STK32A: variants seen among roughly 807,000 people sequenced by gnomAD.
The protein encoded by STK32A is serine/threonine kinase 32A, also known as serine/threonine-protein kinase 32A.
In STK32A, 41 loss-of-function variants were observed where a neutral mutation model predicts 53.2. The observed-to-expected ratio is 0.77, with a 90% CI of 0.60 to 1.00. The LOEUF (loss-of-function observed/expected upper bound fraction) is 1.00. Among genes scored for constraint, STK32A ranks in the 50% least tolerant of loss-of-function variants. The pLI is 0.00. For missense variants in STK32A, 458 were observed against 485.8 expected, an observed-to-expected ratio of 0.94 and a Z score of 0.54; for synonymous variants, 166 against 162.8, an observed-to-expected ratio of 1.02 and a Z score of -0.15.
At chr5:147,395,764 T>C in the STK32A span, 1 of 1,606,106 alleles carries the variant, frequency 6.2e-7, no homozygotes, top group Admixed American at 1.7e-5. Flanking sequence ...TCATTCAGCA[T>C]TTTAGGGTCT....
the STK32A span, chr5:147,399,083 G>C: frequency 2.5e-6 from 4 of 1,614,034 alleles, no homozygotes; most frequent in South Asian, 4.4e-5. Context: ...GGGCCTTACA[G>C]ACTGGTGGTT....
intron 2 of STK32A, among the ~76,000 whole-genome samples, chr5:147,273,157 T>A (rs1446542565): frequency 6.6e-6 from 1 of 152,192 alleles, no homozygotes; most frequent in African/African-American, 2.4e-5. Context: ...CATTGCTTAT[T>A]GCACAGCATG....
Position 147,373,367 on chromosome 5 carries a change from G to A in STK32A, c.903+73G>A. The A allele has an allele frequency of 2.5e-6, 4 of 1,569,300 alleles. No homozygotes were observed. The Admixed American group carries it at 5.6e-5, about 22-fold the overall frequency. On this transcript the variant is annotated intron_variant, in intron 10 of 12. Transcript: ENST00000397936. Reference sequence around the variant, plus strand: ...ACCCGGTGTGCCAGATTCACACATTGTCTCATTAGATAATCACACCAGTGT... The same window carrying A: ...ACCCGGTGTGCCAGATTCACACATTATCTCATTAGATAATCACACCAGTGT...
At chr5:147,344,890 G>A (rs1755608300) in intron 6 of STK32A, among the ~76,000 whole-genome samples, 1 of 152,114 alleles carries the variant, frequency 6.6e-6, no homozygotes, top group Admixed American at 6.5e-5. Flanking sequence ...AGAGAACAGT[G>A]TTTTCATCCC....
chr5:147,253,468 C>T (rs926985465), intron 2 of STK32A, among the ~76,000 whole-genome samples: 1 of 152,084 alleles, frequency 6.6e-6, no homozygotes, highest in Admixed American at 6.6e-5. Flanking sequence ...GGTTTCTGTA[C>T]GATTTACTCA....
chr5:147,300,560 C>A (rs1753081783), intron 4 of STK32A, among the ~76,000 whole-genome samples: 1 of 152,192 alleles, frequency 6.6e-6, no homozygotes, highest in Admixed American at 6.5e-5. Flanking sequence ...TTTAAATGAG[C>A]ATGTGAATGA....
rs914340824 is a variant in STK32A, at chr5:147,347,347, C to G, written c.473-3718C>G. ...GCAAAAAAAAAAAGGCAGAAACCCT[C>G]TCCTAGAGTGGTAAATTAGGAAGTT... On this transcript the variant is annotated intron_variant, in intron 6 of 12. Coordinates refer to ENST00000397936, the MANE Select transcript of STK32A (RefSeq NM_001112724.2). 3.3e-5 allele frequency among the ~76,000 whole-genome samples: 5 copies of G among 151,792 alleles called. No individual in the cohort carries two copies. The South Asian group carries it at 1.0e-3, about 32-fold the overall frequency.
At chr5:147,308,498 G>A (rs541002781) in intron 4 of STK32A, among the ~76,000 whole-genome samples, 1 of 152,180 alleles carries the variant, frequency 6.6e-6, no homozygotes, top group African/African-American at 2.4e-5. Context: ...AATAGTGGCA[G>A]GTTCATTTCT....
At chr5:147,393,923 T>C in the STK32A span, 1 of 1,072,000 alleles carries the variant, frequency 9.3e-7, no homozygotes, top group Non-Finnish European at 1.4e-6. Flanking sequence ...GGCTTATTGA[T>C]TCTTTAGATC....
At chr5:147,370,325 T>C (rs1756953464) in intron 8 of STK32A, among the ~76,000 whole-genome samples, 1 of 152,224 alleles carries the variant, frequency 6.6e-6, no homozygotes, top group African/African-American at 2.4e-5. Flanking sequence ...TTAATACTTA[T>C]ATAATACCTT....
At chr5:147,375,298 G>A in intron 11 of STK32A, 80 bp downstream of exon 11, 1 of 1,514,028 alleles carries the variant, frequency 6.6e-7, no homozygotes, top group Non-Finnish European at 8.8e-7. Flanking sequence ...CTACTGGGAG[G>A]TCATTTCAGC....
the STK32A span, among the ~76,000 whole-genome samples, chr5:147,394,798 C>G: frequency 6.6e-6 from 1 of 152,160 alleles, no homozygotes; most frequent in Non-Finnish European, 1.5e-5. Context: ...TCCCCTAGGT[C>G]TCCCTTACCT....
the STK32A span, chr5:147,397,674 G>A: frequency 1.4e-5 from 22 of 1,613,320 alleles, no homozygotes; most frequent in East Asian, 6.7e-5. Context: ...ACCTTCCTCC[G>A]TGCTTTAATG....
intron 2 of STK32A, among the ~76,000 whole-genome samples, chr5:147,249,908 C>CGAAAAAA (rs1554099042): frequency 1.7e-5 from 1 of 58,580 alleles, no homozygotes; most frequent in African/African-American, 6.7e-5. Flanking sequence ...GCCTCTGTCT[C>CGAAAAAA]AAAAAAAAAA....
At chr5:147,251,075 A>AT (rs528123891) in intron 2 of STK32A, among the ~76,000 whole-genome samples, 1 of 152,214 alleles carries the variant, frequency 6.6e-6, no homozygotes, top group East Asian at 1.9e-4. Flanking sequence ...AATATAATGG[A>AT]TTTTTTTAAG....
At chr5:147,247,192 T>A (rs1753798469) in intron 2 of STK32A, among the ~76,000 whole-genome samples, 2 of 152,240 alleles carry the variant, frequency 1.3e-5, no homozygotes, top group African/African-American at 4.8e-5. Flanking sequence ...GGGAGCTGAC[T>A]TCTGCTGTAT....
At chr5:147,283,661 AACACCTTTATGC>A (rs1243105630) in intron 4 of STK32A, among the ~76,000 whole-genome samples, 2 of 152,128 alleles carry the variant, frequency 1.3e-5, no homozygotes, top group Non-Finnish European at 2.9e-5. Flanking sequence ...GGCTACTATG[AACACCTTTATGC>A]ACATAAACTA....
chr5:147,332,582 T>G (rs1370548230), intron 5 of STK32A, among the ~76,000 whole-genome samples: 1 of 152,116 alleles, frequency 6.6e-6, no homozygotes, highest in Non-Finnish European at 1.5e-5. Flanking sequence ...TAGACTTTGG[T>G]TTTAGGCTAT....
At chr5:147,350,123 T>C (rs1272978617) in intron 6 of STK32A, among the ~76,000 whole-genome samples, 2 of 150,332 alleles carry the variant, frequency 1.3e-5, no homozygotes, top group African/African-American at 4.9e-5. Flanking sequence ...AAAAAAAAAT[T>C]AAATTAAATT....
Sources: allele counts gnomAD v4.1 joint callset (sites outside exome capture counted in the v4.1 genomes callset), GRCh38; gene constraint gnomAD v4.1.1; transcripts MANE v1.5; gene names NCBI Gene and HGNC (gene_info 2026-07-23, HGNC 2026-07-21).